Variants in EXT2 observed in about 807,000 individuals in gnomAD.
EXT2 encodes exostosin-2.
Under a neutral mutation model 81.6 loss-of-function variants are expected in EXT2, and 53 were observed. That is an observed-to-expected ratio of 0.65 (90% CI 0.52 to 0.82). The LOEUF (loss-of-function observed/expected upper bound fraction) is 0.82. EXT2 is among the 40% of genes least tolerant of loss of function. EXT2 has a pLI of 0.00. For missense variants in EXT2, 774 were observed against 910.2 expected (o/e 0.85, Z 1.93); for synonymous variants, 320 against 340.0 (o/e 0.94, Z 0.65).
intron 12 of EXT2, among the ~76,000 whole-genome samples, chr11:44,234,482 T>C (rs1236710402): frequency 6.6e-6 from 1 of 152,192 alleles, no homozygotes; most frequent in African/African-American, 2.4e-5. Flanking sequence ...ACCTTCAGTA[T>C]CAGAATAAAG....
At chr11:44,095,963 A>G (rs2134930853) in intron 1 of EXT2, 111 bp downstream of exon 1, 1 of 433,368 alleles carries the variant, frequency 2.3e-6, no homozygotes, top group South Asian at 2.1e-5. Flanking sequence ...GGCCGCGCGG[A>G]GGCTCCGTGG....
intron 10 of EXT2, among the ~76,000 whole-genome samples, chr11:44,217,427 G>A (rs1343918511): frequency 2.6e-5 from 4 of 152,146 alleles, no homozygotes; most frequent in Non-Finnish European, 4.4e-5. Context: ...GGAAGGCAAA[G>A]CGCTTTGGGA....
intron 6 of EXT2, among the ~76,000 whole-genome samples, chr11:44,129,669 A>G (rs1262800950): frequency 6.6e-6 from 1 of 152,268 alleles, no homozygotes; most frequent in African/African-American, 2.4e-5. Context: ...TTGTTAACTT[A>G]GAAACGGAAT....
intron 1 of EXT2, among the ~76,000 whole-genome samples, chr11:44,100,200 T>C (rs1341552179): frequency 1.3e-5 from 2 of 152,214 alleles, no homozygotes; most frequent in Non-Finnish European, 2.9e-5. Flanking sequence ...TCTGGCTTTC[T>C]GGATTCACCT....
At position 44,248,205 on chromosome 11, in the gene EXT2, G is replaced by T. The variant is rs1956111629; in HGVS notation, c.*3918G>T. ...CCATTGCAGCAAGAGAAGCCACAGTGGGCTGTTCCCCAAGCAGCCCTGGCA... is the reference window on the plus strand; with the variant it reads ...CCATTGCAGCAAGAGAAGCCACAGTTGGCTGTTCCCCAAGCAGCCCTGGCA... On this transcript the variant is annotated 3_prime_UTR_variant, in exon 14 of 14. Coordinates refer to ENST00000533608, the MANE Select transcript of EXT2 (RefSeq NM_207122.2). Among the ~76,000 whole-genome samples, 1 of 152,258 alleles carries T rather than the reference G, an allele frequency of 6.6e-6. No homozygotes were observed. The highest frequency in any genetic ancestry group is 2.1e-4 in the South Asian group (1 of 4,820).
chr11:44,148,692 G>T (rs1024804938), intron 7 of EXT2, among the ~76,000 whole-genome samples: 1 of 152,124 alleles, frequency 6.6e-6, no homozygotes, highest in African/African-American at 2.4e-5. Context: ...GATATTTATT[G>T]AGCACCTGCT....
intron 10 of EXT2, among the ~76,000 whole-genome samples, chr11:44,217,016 G>A (rs769274051): frequency 6.8e-6 from 1 of 148,004 alleles, no homozygotes; most frequent in Non-Finnish European, 1.5e-5. Flanking sequence ...TGACCCACCC[G>A]AGGCCTCACT....
At chr11:44,214,414 G>A (rs1032605428) in intron 10 of EXT2, among the ~76,000 whole-genome samples, 5 of 151,930 alleles carry the variant, frequency 3.3e-5, no homozygotes, top group Non-Finnish European at 7.4e-5. Context: ...ATGCCCGGCC[G>A]TAACTTTTTT....
At chr11:44,141,224 A>T (rs1207460416) in intron 7 of EXT2, among the ~76,000 whole-genome samples, 2 of 152,192 alleles carry the variant, frequency 1.3e-5, no homozygotes, top group African/African-American at 4.8e-5. Flanking sequence ...TACAATGTAA[A>T]TGCTGTGCAG....
At chr11:44,104,076 A>G (rs1471149533) in intron 1 of EXT2, among the ~76,000 whole-genome samples, 1 of 152,194 alleles carries the variant, frequency 6.6e-6, no homozygotes, top group African/African-American at 2.4e-5. Context: ...TCTGCAACTC[A>G]TAAAGATTTG....
chr11:44,135,511 C>T (rs777895364), intron 7 of EXT2, among the ~76,000 whole-genome samples: 68 of 151,848 alleles, frequency 4.5e-4, no homozygotes, highest in Non-Finnish European at 6.8e-4. Flanking sequence ...CGTGCCTCAG[C>T]CTCCCAAGAA....
intron 10 of EXT2, among the ~76,000 whole-genome samples, chr11:44,213,307 T>C (rs977262242): frequency 2.0e-5 from 3 of 152,140 alleles, no homozygotes; most frequent in African/African-American, 7.2e-5. Flanking sequence ...ATCCAGCATC[T>C]CATAGCAATA....
intron 4 of EXT2, among the ~76,000 whole-genome samples, chr11:44,119,186 A>G (rs1954280644): frequency 7.0e-6 from 1 of 142,454 alleles, no homozygotes; most frequent in Non-Finnish European, 1.5e-5. Context: ...ACACACACAC[A>G]CACACACATT....
At chr11:44,114,159 C>A (rs1288841417) in intron 3 of EXT2, 26 bp from the exon 4 acceptor site, 3 of 1,589,214 alleles carry the variant, frequency 1.9e-6, no homozygotes, top group Admixed American at 1.7e-5. Flanking sequence ...TCTTTCTCAT[C>A]GTTTAACAAA....
chr11:44,181,696 G>T (rs1361465142), intron 8 of EXT2, among the ~76,000 whole-genome samples: 1 of 151,998 alleles, frequency 6.6e-6, no homozygotes, highest in Non-Finnish European at 1.5e-5. Flanking sequence ...TTTAAAGTTG[G>T]AGTATTTTCT....
At chr11:44,112,165 C>G (rs978957195) in intron 3 of EXT2, among the ~76,000 whole-genome samples, 1 of 152,098 alleles carries the variant, frequency 6.6e-6, no homozygotes, top group Non-Finnish European at 1.5e-5. Flanking sequence ...TTAGGCACTG[C>G]GAATACTTAG....
intron 6 of EXT2, among the ~76,000 whole-genome samples, chr11:44,128,999 A>G (rs1954450454): frequency 6.6e-6 from 1 of 152,234 alleles, no homozygotes; most frequent in African/African-American, 2.4e-5. Context: ...ATTAATTTAT[A>G]CAAATGTAAT....
At chr11:44,172,008 C>A in intron 8 of EXT2, 1 of 494,508 alleles carries the variant, frequency 2.0e-6, no homozygotes, top group Non-Finnish European at 3.7e-6. Context: ...AGGCATGGGT[C>A]TTGTTGGAAA....
intron 7 of EXT2, among the ~76,000 whole-genome samples, chr11:44,137,369 ACTTTCCCTGGCAGC>A (rs1293254106): frequency 1.2e-4 from 18 of 152,334 alleles, no homozygotes; most frequent in African/African-American, 4.3e-4. Context: ...CCATAAAGTT[ACTTTCCCTGGCAGC>A]CTTGGTCTGT....
Sources: gnomAD v4.1 joint callset for allele counts (sites outside exome capture counted in the v4.1 genomes callset) on GRCh38, gnomAD v4.1.1 for gene constraint, MANE v1.5 for transcripts, NCBI Gene and HGNC (gene_info 2026-07-23, HGNC 2026-07-21) for gene names.